The following PSME4 variants were observed in gnomAD, a reference collection of about 807,000 sequenced individuals.
PSME4 encodes proteasome activator subunit 4.
Under a neutral mutation model 253.9 loss-of-function variants are expected in PSME4, and 89 were observed. The ratio of observed to expected loss-of-function variants is 0.35; its 90% CI spans 0.30 to 0.42. The LOEUF (loss-of-function observed/expected upper bound fraction) is 0.42. PSME4 is among the 10% of genes least tolerant of loss of function. The probability of loss-of-function intolerance (pLI) is 1.00; values close to 1 mark genes in which losing one functional copy is unlikely to be tolerated. For missense variants in PSME4, 2,014 were observed against 2,195.2 expected, an observed-to-expected ratio of 0.92 and a Z score of 1.65; for synonymous variants, 851 against 759.2, an observed-to-expected ratio of 1.12 and a Z score of -1.99.
rs1247687171 is a variant in PSME4, at chr2:53,896,955, C to G, written c.3607-70G>C. 2.7e-5 allele frequency: 31 copies of G among 1,138,672 alleles called. No homozygotes were observed. In the East Asian group the frequency reaches 6.6e-4, roughly 24 times the overall value. The allele number at this position is 1,138,672 out of a possible 1,614,324, so 70.5% of individuals were successfully genotyped here. A position where few individuals can be genotyped will look rare whatever the true frequency, so the allele number is the denominator to read the frequency against. ...CACTTAACTGGTTGTCTGCTTTACT[C>G]AAAGCAGAAATAGGATTCTGTTTCT... On this transcript the variant is annotated intron_variant, in intron 31 of 46. Transcript: ENST00000404125.
At chr2:53,888,194 CACT>C (rs1192533722) in intron 38 of PSME4, 3 of 416,636 alleles carry the variant, frequency 7.2e-6, no homozygotes, top group East Asian at 8.3e-5. Flanking sequence ...ATTTCATCCA[CACT>C]ACTAGAAAAC....
At chr2:53,885,655 A>G in intron 41 of PSME4, 35 bp downstream of exon 41, 1 of 1,490,938 alleles carries the variant, frequency 6.7e-7, no homozygotes, top group Non-Finnish European at 9.3e-7. Context: ...TGAAGGTCAA[A>G]AGGAGATGCA....
At chr2:53,921,778 G>A (rs1477443442) in intron 17 of PSME4, among the ~76,000 whole-genome samples, 2 of 140,728 alleles carry the variant, frequency 1.4e-5, no homozygotes, top group Non-Finnish European at 1.5e-5. Context: ...TGAGGCAGGA[G>A]AATGGCGTGA....
At chr2:53,961,411 G>A (rs1292093530) in intron 1 of PSME4, among the ~76,000 whole-genome samples, 1 of 152,186 alleles carries the variant, frequency 6.6e-6, no homozygotes, top group African/African-American at 2.4e-5. Flanking sequence ...GCTTATGCCT[G>A]TAATCCCAGC....
Position 53,922,498 on chromosome 2 carries a change from T to C in PSME4, c.2046+19A>G. Reference sequence around the variant, plus strand: ...AGTGTTTTCACAGTCATGTTTCTTATTCCAAAGATTTACAATACCTCAGAC... The same window carrying C: ...AGTGTTTTCACAGTCATGTTTCTTACTCCAAAGATTTACAATACCTCAGAC... On this transcript the variant is annotated intron_variant, in intron 17 of 46. Transcript: ENST00000404125. 2 of 1,609,320 alleles carry C rather than the reference T, an allele frequency of 1.2e-6. No homozygotes were observed. The highest frequency in any genetic ancestry group is 2.2e-5 in the East Asian group (1 of 44,720).
Position 53,906,759 on chromosome 2 carries a change from G to C in PSME4, c.2847+47C>G, listed in dbSNP as rs775288029. ...GAAAACAAAACTAAATACTCATCTG[G>C]AAAATTGACATTTTAAAAAGTCACT... On this transcript the variant is annotated intron_variant, in intron 25 of 46. Transcript: ENST00000404125. 35 of 1,599,572 alleles carry C rather than the reference G, an allele frequency of 2.2e-5. No individual in the cohort carries two copies. In the East Asian group the frequency reaches 7.8e-4, roughly 36 times the overall value.
intron 41 of PSME4, among the ~76,000 whole-genome samples, chr2:53,883,155 CTT>C (rs1679474497): frequency 6.6e-6 from 1 of 152,126 alleles, no homozygotes; most frequent in African/African-American, 2.4e-5. Flanking sequence ...AGAAATTAAA[CTT>C]ACACTGTTAC....
chr2:53,960,715 T>C (rs926177050), intron 1 of PSME4, among the ~76,000 whole-genome samples: 2 of 152,234 alleles, frequency 1.3e-5, no homozygotes, highest in African/African-American at 2.4e-5. Context: ...TAAACGTACA[T>C]GAAAGATGCT....
chr2:53,893,237 T>A, intron 35 of PSME4, among the ~76,000 whole-genome samples: 1 of 104,026 alleles, frequency 9.6e-6, no homozygotes, highest in East Asian at 4.0e-4. Context: ...CAGTTTTGGG[T>A]ATTTTTTTTC....
At chr2:53,891,896 G>T (rs1231899350) in intron 36 of PSME4, among the ~76,000 whole-genome samples, 1 of 151,332 alleles carries the variant, frequency 6.6e-6, no homozygotes, top group Non-Finnish European at 1.5e-5. Context: ...AGACAAGGAA[G>T]ATGGACGGAT....
chr2:53,884,312 G>A (rs56394316), intron 41 of PSME4, among the ~76,000 whole-genome samples: 4,501 of 152,244 alleles, frequency 0.03, 99 homozygotes, highest in Admixed American at 0.055. Flanking sequence ...CCGGGTTCAA[G>A]CGATTCTCCT....
intron 16 of PSME4, among the ~76,000 whole-genome samples, 161 bp downstream of exon 16, chr2:53,922,888 T>C (rs1668388576): frequency 6.6e-6 from 1 of 152,254 alleles, no homozygotes; most frequent in Non-Finnish European, 1.5e-5. Context: ...TTTAAGCTAC[T>C]GCCAACCTGG....
intron 1 of PSME4, among the ~76,000 whole-genome samples, chr2:53,967,673 A>AAAAAAAAAAAAAAC (rs1670807517): frequency 6.8e-6 from 1 of 146,768 alleles, no homozygotes; most frequent in Non-Finnish European, 1.5e-5. Flanking sequence ...AAAAAAAAAA[A>AAAAAAAAAAAAAAC]AAAAAAGTCA....
chr2:53,889,351 A>G (rs995884552), intron 37 of PSME4, among the ~76,000 whole-genome samples: 1 of 152,132 alleles, frequency 6.6e-6, no homozygotes, highest in East Asian at 1.9e-4. Flanking sequence ...AATCTTCTCT[A>G]GAGTATTTGT....
chr2:53,872,318 CA>C (rs1381086733), intron 43 of PSME4, among the ~76,000 whole-genome samples: 2 of 152,234 alleles, frequency 1.3e-5, no homozygotes, highest in East Asian at 3.9e-4. Flanking sequence ...TTTCTTTAAA[CA>C]GTTCTCATTT....
At chr2:53,912,951 A>C (rs1388684979) in intron 20 of PSME4, among the ~76,000 whole-genome samples, 1 of 152,228 alleles carries the variant, frequency 6.6e-6, no homozygotes, top group African/African-American at 2.4e-5. Context: ...GTCTTAAGGC[A>C]CTGTCTTACA....
At position 53,948,506 on chromosome 2, in the gene PSME4, C is replaced by G; in HGVS notation, c.415G>C (p.Glu139Gln). The G allele has an allele frequency of 1.2e-6, 2 of 1,612,830 alleles. No homozygotes were observed. The highest frequency in any genetic ancestry group is 1.1e-5 in the South Asian group (1 of 91,026). Residue 139 changes from glutamate (E) to glutamine (Q), a missense_variant, in exon 3 of 47, where the codon GAG becomes CAG. By Grantham distance (29) the Glu-to-Gln change is conservative (BLOSUM62 2). This residue lies in a region of PSME4 where 615 missense variants were observed against 594.4 expected (regional missense o/e 1.03). Coordinates refer to ENST00000404125, the MANE Select transcript of PSME4 (RefSeq NM_014614.3). ...TCATAAAGTGGTCTCCAGGGTAACT[C>G]CAAATCAGCTCTTGAAAGAAGTTCC... ...KKELLSRADL[E>Q]LPWRPLYDMV... is the part of the protein sequence containing the mutation.
At position 53,920,273 on chromosome 2, in the gene PSME4, G is replaced by T; in HGVS notation, c.2340C>A (p.Ala780=). 1.2e-6 allele frequency: 2 copies of T among 1,613,778 alleles called. No individual in the cohort carries two copies. Among genetic ancestry groups the T allele is most frequent in the South Asian group, 1.1e-5 (1 of 91,030 alleles). The change falls in exon 19 of 47, where the codon GCC becomes GCA. Residue 780 remains alanine (A), a synonymous_variant. Transcript: ENST00000404125. ...HVPSSEEVSF[A]FYLLDSFLQP... ...GAAGAAAGGAGTCCAAAAGATAAAAGGCAAAAGACACTTCTTCTGAAGAAG... is the reference window on the plus strand; with the variant it reads ...GAAGAAAGGAGTCCAAAAGATAAAATGCAAAAGACACTTCTTCTGAAGAAG...
At chr2:53,906,784 T>G in intron 25 of PSME4, 22 bp downstream of exon 25, 1 of 1,610,072 alleles carries the variant, frequency 6.2e-7, no homozygotes, top group African/African-American at 1.3e-5. Context: ...AAAAAGTCAC[T>G]ATGACTGAAA....
Sources: gnomAD v4.1 joint callset for allele counts (sites outside exome capture counted in the v4.1 genomes callset) on GRCh38, gnomAD v4.1.1 for gene constraint, gnomAD v4.1.1 regional missense constraint, MANE v1.5 for transcripts, NCBI Gene and HGNC (gene_info 2026-07-23, HGNC 2026-07-21) for gene names.